The following SOD2 variants were observed in gnomAD, a reference collection of about 807,000 sequenced individuals.
SOD2 encodes superoxide dismutase [Mn], mitochondrial.
A neutral mutation model predicts 27.0 loss-of-function variants in SOD2; 11 were observed. The ratio of observed to expected loss-of-function variants is 0.41; its 90% CI spans 0.26 to 0.67. SOD2 has a LOEUF of 0.67. Among genes scored for constraint, SOD2 ranks in the 30% least tolerant of loss-of-function variants. The pLI is 0.34. For synonymous variants in SOD2, 105 were observed against 103.0 expected (o/e 1.02, Z -0.12); for missense variants, 250 against 274.5 (o/e 0.91, Z 0.63).
intron 1 of SOD2, chr6:159,713,059 T>G (rs767154858): frequency 1.2e-4 from 82 of 659,208 alleles, no homozygotes; most frequent in Non-Finnish European, 1.9e-4. Flanking sequence ...TGTACTCTCA[T>G]GAGGTTAAGA....
chr6:159,755,765 C>CTTTTTTTT lies in SOD2; in HGVS notation c.-336+5264_-336+5271dup. The CTTTTTTTT allele has an allele frequency of 3.3e-4, 57 of 173,364 alleles. 1 individual carries two copies. The highest frequency in any genetic ancestry group is 1.3e-3 in the African/African-American group (15 of 11,434). 10.7% of individuals were successfully genotyped at this position (173,364 alleles called of 1,614,324 possible). ...TTTTTCTTTGTTTTTTTTTTCTTTT[C>CTTTTTTTT]TTTTTTTTTTTTTTTTTTTTTTTTT... On this transcript the variant is annotated intron_variant, in intron 1 of 7. Transcript: ENST00000546087.
chr6:159,731,927 G>A (rs1415879221), upstream of SOD2, among the ~76,000 whole-genome samples: 1 of 152,076 alleles, frequency 6.6e-6, no homozygotes, highest in Non-Finnish European at 1.5e-5. Context: ...TAAGCTTACT[G>A]TTAATTTTAT....
rs78361625 is a variant in SOD2, at chr6:159,712,987, G to A, written c.-116+14142C>T. 6.2e-3 allele frequency: 3,867 copies of A among 625,438 alleles called. 129 individuals are homozygous for A. In the African/African-American group the frequency reaches 0.063, roughly 10 times the overall value. The allele number at this position is 625,438 out of a possible 1,614,324, so 38.7% of individuals were successfully genotyped here. On this transcript the variant is annotated intron_variant, in intron 1 of 2. Coordinates refer to the SOD2 transcript ENST00000401980. ...TTGCCATAGCTGCCACTGCATCTTC[G>A]TGAGCAGCAAACTCAACATCTGCCC...
At chr6:159,698,274 AAAACAAAC>A (rs113474424), upstream of SOD2, among the ~76,000 whole-genome samples, 1 of 147,942 alleles carries the variant, frequency 6.8e-6, no homozygotes, top group East Asian at 2.0e-4. Context: ...CTCAGTGTCA[AAAACAAAC>A]AAACAAACAA....
intron 1 of SOD2, among the ~76,000 whole-genome samples, chr6:159,712,452 GACCTCCATAACC>G (rs1320616758): frequency 2.3e-5 from 1 of 43,828 alleles, no homozygotes; most frequent in Non-Finnish European, 5.5e-5. Context: ...ACACTGCTCA[GACCTCCATAACC>G]ACCTCCATAA....
At chr6:159,713,295 G>C in intron 1 of SOD2, 1 of 665,228 alleles carries the variant, frequency 1.5e-6, no homozygotes, top group Non-Finnish European at 2.7e-6. Flanking sequence ...CCACCATAGG[G>C]ACCCTGCCTC....
chr6:159,712,620 C>T (rs866916703), intron 1 of SOD2, among the ~76,000 whole-genome samples: 19 of 139,160 alleles, frequency 1.4e-4, no homozygotes, highest in East Asian at 8.3e-4. Context: ...GCTGCTCTGA[C>T]CTCCATAACC....
intron 1 of SOD2, chr6:159,753,381 C>G (rs1037317594): frequency 1.3e-6 from 2 of 1,587,000 alleles, no homozygotes; most frequent in Admixed American, 3.4e-5. Flanking sequence ...GTATGTGTTA[C>G]ATCTATCACT....
rs1025030981 is a variant in SOD2 at position 159,669,607 on chromosome 6, G to A, written c.*12886C>T. 5 of 152,178 alleles carry A rather than the reference G, an allele frequency of 3.3e-5. No individual in the cohort carries two copies. Among genetic ancestry groups the A allele is most frequent in the Admixed American group, 3.3e-4 (5 of 15,282 alleles). 9.4% of individuals were successfully genotyped at this position (152,178 alleles called of 1,614,324 possible). Reference sequence around the variant, plus strand: ...GACTGCTTTGAGACCCAGAGTTTGAGACTAGCCAGGCAACATAGCATAACC... The same window carrying A: ...GACTGCTTTGAGACCCAGAGTTTGAAACTAGCCAGGCAACATAGCATAACC... On this transcript the variant is annotated 3_prime_UTR_variant, in exon 5 of 5. Coordinates refer to ENST00000538183, the MANE Select transcript of SOD2 (RefSeq NM_000636.4).
intron 3 of SOD2, 130 bp downstream of exon 3, chr6:159,687,996 A>G (rs1352997489): frequency 1.1e-5 from 7 of 656,726 alleles, no homozygotes; most frequent in African/African-American, 1.8e-5. Flanking sequence ...GGGCAACAAG[A>G]GCAAAACTCT....
chr6:159,750,384 T>C (rs562871296), intron 1 of SOD2, among the ~76,000 whole-genome samples: 2 of 152,310 alleles, frequency 1.3e-5, no homozygotes, highest in African/African-American at 4.8e-5. Flanking sequence ...ATTTTCTCTT[T>C]TAATAAGATA....
rs137996359 is a variant in SOD2, at chr6:159,676,679, T to C, written c.*5814A>G. 1.6e-4 allele frequency: 25 copies of C among 152,190 alleles called. 1 individual carries two copies. The East Asian group carries it at 4.8e-3, about 29-fold the overall frequency. The allele number at this position is 152,190 out of a possible 1,614,324, so 9.4% of individuals were successfully genotyped here. On this transcript the variant is annotated 3_prime_UTR_variant, in exon 5 of 5. Coordinates refer to ENST00000538183, the MANE Select transcript of SOD2 (RefSeq NM_000636.4). ...AGTTAATAGGTGCAGCACACCAACATGGCACATGTATACATGTAACAAACC... is the reference window on the plus strand; with the variant it reads ...AGTTAATAGGTGCAGCACACCAACACGGCACATGTATACATGTAACAAACC...
At chr6:159,690,446 T>C (rs1457490195) in intron 2 of SOD2, among the ~76,000 whole-genome samples, 1 of 151,690 alleles carries the variant, frequency 6.6e-6, no homozygotes, top group Non-Finnish European at 1.5e-5. Flanking sequence ...TTAGACAGAA[T>C]TAAAAAAAAA....
chr6:159,693,234 C>T lies in SOD2; in HGVS notation c.-67G>A. 4 of 1,430,474 alleles carry T rather than the reference C, an allele frequency of 2.8e-6. No homozygotes were observed. The South Asian group carries it at 5.1e-5, about 18-fold the overall frequency. The allele number at this position is 1,430,474 out of a possible 1,614,324, so 88.6% of individuals were successfully genotyped here. On this transcript the variant is annotated 5_prime_UTR_variant, in exon 1 of 5. Coordinates refer to ENST00000538183, the MANE Select transcript of SOD2 (RefSeq NM_000636.4). ...GAAGCCGCTGCCGAAGCCACCACAG[C>T]CACGAGTGCCGCTCCTGCGCCGCCC...
At chr6:159,745,289 A>T (rs1779509031), upstream of SOD2, 2 of 152,182 alleles carry the variant, frequency 1.3e-5, no homozygotes, top group Non-Finnish European at 2.9e-5. Flanking sequence ...CTATTCATGC[A>T]CATCTGATTC....
intron 1 of SOD2, chr6:159,736,624 A>G: frequency 5.1e-6 from 1 of 197,550 alleles, no homozygotes; most frequent in Admixed American, 5.7e-5. Flanking sequence ...CATATATACA[A>G]ATAATGTCAA....
rs1777798663 is a variant in SOD2, at chr6:159,712,043, AT to A, written c.-116+15085del. Among the ~76,000 whole-genome samples, 26 of 34,410 alleles carry A rather than the reference AT, an allele frequency of 7.6e-4. 5 individuals are homozygous for A. Among genetic ancestry groups the A allele is most frequent in the African/African-American group, 2.2e-3 (24 of 10,802 alleles). The allele number at this position is 34,410 out of a possible 152,430, so 22.6% of individuals were successfully genotyped here. A position where few individuals can be genotyped will look rare whatever the true frequency, so the allele number is the denominator to read the frequency against. On this transcript the variant is annotated intron_variant, in intron 1 of 2. Coordinates refer to the SOD2 transcript ENST00000401980. ...CACCACTCACACTGCTCAGACCTCC[AT>A]AACCACCTCCATAACCACCACTCGG... is the stretch of plus-strand genomic sequence containing the variant.
At chr6:159,753,927 G>T (rs567802353) in intron 1 of SOD2, among the ~76,000 whole-genome samples, 1 of 152,280 alleles carries the variant, frequency 6.6e-6, no homozygotes, top group African/African-American at 2.4e-5. Context: ...TGTATTCATT[G>T]TTTGAAAGGG....
At chr6:159,727,019 C>A (rs1026953716) in intron 1 of SOD2, 5 of 1,240,242 alleles carry the variant, frequency 4.0e-6, no homozygotes, top group Non-Finnish European at 5.2e-6. Context: ...CGAGGCAGCC[C>A]CGCAGCCGCA....
Sources: gnomAD v4.1 joint callset for allele counts (sites outside exome capture counted in the v4.1 genomes callset) on GRCh38, gnomAD v4.1.1 for gene constraint, MANE v1.5 for transcripts, NCBI Gene and HGNC (gene_info 2026-07-23, HGNC 2026-07-21) for gene names.